The following ARMH3 variants were observed in gnomAD, a reference collection of about 807,000 sequenced individuals.
ARMH3 encodes the protein armadillo like helical domain containing 3.
A neutral mutation model predicts 99.1 loss-of-function variants in ARMH3; 60 were observed. The ratio of observed to expected loss-of-function variants is 0.61; its 90% CI spans 0.49 to 0.75. The LOEUF is 0.75. ARMH3 is among the 30% of genes least tolerant of loss of function. The pLI, the probability that ARMH3 is intolerant of heterozygous loss-of-function variation, is 0.00. For synonymous variants in ARMH3, 285 were observed against 292.8 expected, an observed-to-expected ratio of 0.97 and a Z score of 0.27; for missense variants, 679 against 843.1, an observed-to-expected ratio of 0.81 and a Z score of 2.41.
intron 22 of ARMH3, among the ~76,000 whole-genome samples, chr10:101,949,849 T>C (rs140726062): frequency 2.0e-5 from 3 of 152,306 alleles, no homozygotes; most frequent in East Asian, 1.9e-4. Flanking sequence ...GTTATAATCA[T>C]GTGGGGTTGG....
At chr10:102,054,020 T>G (rs1193668237) in intron 1 of ARMH3, among the ~76,000 whole-genome samples, 1 of 152,202 alleles carries the variant, frequency 6.6e-6, no homozygotes, top group Non-Finnish European at 1.5e-5. Context: ...TACAGATTCC[T>G]AAACTGTGCT....
At chr10:101,906,729 T>G (rs773390121) in intron 23 of ARMH3, among the ~76,000 whole-genome samples, 2 of 152,190 alleles carry the variant, frequency 1.3e-5, no homozygotes, top group African/African-American at 4.8e-5. Context: ...TAAGGCATTT[T>G]CTTTGGAATG....
chr10:101,952,852 A>T (rs1431596619), intron 22 of ARMH3: 1 of 152,228 alleles, frequency 6.6e-6, no homozygotes, highest in Non-Finnish European at 1.5e-5. Flanking sequence ...GCCCCTGGTA[A>T]TCATCATCCT....
chr10:101,930,626 C>T (rs1485181307), intron 23 of ARMH3, among the ~76,000 whole-genome samples: 3 of 152,158 alleles, frequency 2.0e-5, no homozygotes, highest in African/African-American at 7.2e-5. Flanking sequence ...CCCACCCAAA[C>T]TATTTTCCCA....
chr10:102,025,336 G>T, intron 5 of ARMH3, 88 bp from the exon 6 acceptor site: 1 of 987,208 alleles, frequency 1.0e-6, no homozygotes, highest in Non-Finnish European at 1.6e-6. Flanking sequence ...AGGGTAATGT[G>T]AATAACACAC....
chr10:101,913,877 A>G (rs1244802894), intron 23 of ARMH3, among the ~76,000 whole-genome samples: 2 of 152,230 alleles, frequency 1.3e-5, no homozygotes, highest in South Asian at 2.1e-4. Context: ...CAAAAGAGCT[A>G]TAATGGAAGT....
At chr10:101,964,793 T>C (rs1473759730) in intron 20 of ARMH3, among the ~76,000 whole-genome samples, 2 of 150,098 alleles carry the variant, frequency 1.3e-5, no homozygotes, top group South Asian at 4.2e-4. Flanking sequence ...GTGGATTACC[T>C]GAGGTCAGGA....
intron 25 of ARMH3, 141 bp downstream of exon 25, chr10:101,849,635 A>G (rs2135252357): frequency 1.5e-6 from 1 of 681,612 alleles, no homozygotes; most frequent in Non-Finnish European, 2.6e-6. Flanking sequence ...GCCTGGTACA[A>G]TGGGGGAGAG....
intron 20 of ARMH3, among the ~76,000 whole-genome samples, chr10:101,960,502 A>C (rs1485604876): frequency 6.6e-6 from 1 of 152,156 alleles, no homozygotes; most frequent in Non-Finnish European, 1.5e-5. Flanking sequence ...TGGATAAGAA[A>C]ACTCCATGCC....
intron 25 of ARMH3, among the ~76,000 whole-genome samples, chr10:101,849,170 T>C (rs190849893): frequency 6.6e-6 from 1 of 152,176 alleles, no homozygotes; most frequent in Non-Finnish European, 1.5e-5. Flanking sequence ...ACCAAGCTGG[T>C]AGGGTTACAG....
chr10:101,847,758 G>A (rs973320722), intron 25 of ARMH3, 138 bp from the exon 26 acceptor site: 9 of 739,402 alleles, frequency 1.2e-5, no homozygotes, highest in Non-Finnish European at 1.9e-5. Flanking sequence ...ACCCTTAACA[G>A]CTATTATCCC....
At chr10:101,930,512 G>A (rs952364872) in intron 23 of ARMH3, among the ~76,000 whole-genome samples, 1 of 152,016 alleles carries the variant, frequency 6.6e-6, no homozygotes, top group Non-Finnish European at 1.5e-5. Context: ...TCAGGTATAC[G>A]TGTATTCATT....
rs569924773 is a variant in ARMH3 at position 101,957,376 on chromosome 10, T to C, written c.1578+274A>G. Among the ~76,000 whole-genome samples, 4 of 152,266 alleles carry C rather than the reference T, an allele frequency of 2.6e-5. No homozygotes were observed. The South Asian group carries it at 6.2e-4, about 24-fold the overall frequency. On this transcript the variant is annotated intron_variant, in intron 21 of 25. Coordinates refer to ENST00000370033, the MANE Select transcript of ARMH3 (RefSeq NM_024541.3). ...GCAGTAGTATACAGCAGTCTCTCAA[T>C]TGGGACCAAGGCTCACTATTCATAC...
At position 101,956,703 on chromosome 10, in the gene ARMH3, C is replaced by T; in HGVS notation, c.1599G>A (p.Met533Ile). 1 of 1,613,180 alleles carries T rather than the reference C, an allele frequency of 6.2e-7. No homozygotes were observed. The highest frequency in any genetic ancestry group is 2.2e-5 in the East Asian group (1 of 44,856). The change falls in exon 22 of 26, where the codon ATG becomes ATA. Residue 533 changes from methionine (M) to isoleucine (I), a missense_variant. Transcript: ENST00000370033. ...GAAATGTGTCGCCATATGTGATAAA[C>T]ATATTAAATAGGTTCACAATCTAAA... ...LALMIVNLFNMFITYGDTFLP... is the reference protein window; with the variant it reads ...LALMIVNLFNIFITYGDTFLP...
intron 22 of ARMH3, among the ~76,000 whole-genome samples, chr10:101,947,048 C>A (rs1250016084): frequency 6.6e-6 from 1 of 151,760 alleles, no homozygotes; most frequent in African/African-American, 2.4e-5. Context: ...ATTAGCCAGG[C>A]GTGGTGGTGG....
chr10:102,046,090 C>A (rs377180913), intron 1 of ARMH3, among the ~76,000 whole-genome samples: 1 of 151,510 alleles, frequency 6.6e-6, no homozygotes, highest in East Asian at 1.9e-4. Flanking sequence ...AGTTAAACTC[C>A]ATTTCAAAAA....
Position 101,871,995 on chromosome 10 carries a change from CA to C in ARMH3, c.1860+17416del, listed in dbSNP as rs1305821276. On this transcript the variant is annotated intron_variant, in intron 24 of 25. Coordinates refer to ENST00000370033, the MANE Select transcript of ARMH3 (RefSeq NM_024541.3). ...AGCTTGGGCGACAGAGTAAGACTCT[CA>C]AAAAAAAAGAAAAAAAGAAAGTACA... Among the ~76,000 whole-genome samples, 7 of 145,288 alleles carry C rather than the reference CA, an allele frequency of 4.8e-5. No homozygotes were observed. In the South Asian group the frequency reaches 8.6e-4, roughly 18 times the overall value.
At chr10:101,851,507 G>A (rs554511780) in intron 24 of ARMH3, among the ~76,000 whole-genome samples, 127 of 152,290 alleles carry the variant, frequency 8.3e-4, no homozygotes, top group Non-Finnish European at 1.6e-3. Context: ...TCTGACAGAA[G>A]GGGGTTGGGG....
chr10:102,003,455 C>G (rs1032011518), intron 14 of ARMH3, among the ~76,000 whole-genome samples: 1 of 152,172 alleles, frequency 6.6e-6, no homozygotes, highest in Non-Finnish European at 1.5e-5. Context: ...AGCCACTGTG[C>G]CTGGCCCAGA....
Sources: allele counts gnomAD v4.1 joint callset (sites outside exome capture counted in the v4.1 genomes callset), GRCh38; gene constraint gnomAD v4.1.1; transcripts MANE v1.5; gene names NCBI Gene and HGNC (gene_info 2026-07-23, HGNC 2026-07-21).